Variants in CLVS1 observed in about 807,000 individuals in gnomAD.
CLVS1 encodes the protein clavesin-1.
Under a neutral mutation model 33.1 loss-of-function variants are expected in CLVS1, and 10 were observed. That is an observed-to-expected ratio of 0.30 (90% CI 0.19 to 0.51). The LOEUF is 0.51. CLVS1 is among the 20% of genes least tolerant of loss of function. The pLI, the probability that CLVS1 is intolerant of heterozygous loss-of-function variation, is 0.97. For synonymous variants in CLVS1, 163 were observed against 166.1 expected (o/e 0.98, Z 0.14); for missense variants, 343 against 433.4 (o/e 0.79, Z 1.85).
intron 3 of CLVS1, among the ~76,000 whole-genome samples, chr8:61,403,271 G>A (rs1044313550): frequency 2.0e-5 from 3 of 152,204 alleles, no homozygotes; most frequent in Non-Finnish European, 2.9e-5. Context: ...TGGGAATAGC[G>A]GTATGGGATG....
chr8:61,447,008 TG>T (rs1816781384), intron 3 of CLVS1, among the ~76,000 whole-genome samples: 1 of 152,196 alleles, frequency 6.6e-6, no homozygotes, highest in South Asian at 2.1e-4. Context: ...ACTTAGGTAT[TG>T]TTTATCTTTG....
chr8:61,367,239 C>G (rs949260130), intron 2 of CLVS1, among the ~76,000 whole-genome samples: 2 of 152,172 alleles, frequency 1.3e-5, no homozygotes, highest in African/African-American at 4.8e-5. Context: ...TTTCCTTCAT[C>G]AGCATAACAG....
intron 2 of CLVS1, chr8:61,202,380 C>T: frequency 1.3e-6 from 1 of 751,912 alleles, no homozygotes; most frequent in Non-Finnish European, 2.5e-6. Flanking sequence ...TGGACATGAG[C>T]TCCCTGAGGC....
intron 1 of CLVS1, among the ~76,000 whole-genome samples, chr8:61,299,391 AT>A (rs1295011738): frequency 6.6e-6 from 1 of 152,206 alleles, no homozygotes; most frequent in Non-Finnish European, 1.5e-5. Flanking sequence ...ATAAAAGTGC[AT>A]GCTATTGCTA....
intron 3 of CLVS1, among the ~76,000 whole-genome samples, chr8:61,387,072 C>A (rs1271525424): frequency 6.6e-6 from 1 of 152,108 alleles, no homozygotes; most frequent in Non-Finnish European, 1.5e-5. Context: ...CCAAATTCAC[C>A]AAAGAAGAAC....
chr8:61,033,347 G>T, the CLVS1 span, among the ~76,000 whole-genome samples: 1 of 45,450 alleles, frequency 2.2e-5, no homozygotes, highest in Admixed American at 1.6e-4. Context: ...GGGTAGCAGG[G>T]CAGCCTGGCT....
intron 3 of CLVS1, among the ~76,000 whole-genome samples, chr8:61,381,162 T>A (rs1813862743): frequency 6.6e-6 from 1 of 152,114 alleles, no homozygotes; most frequent in Admixed American, 6.5e-5. Context: ...GTGACCTTTT[T>A]TTTTTCTGTT....
intron 4 of CLVS1, among the ~76,000 whole-genome samples, chr8:61,457,165 G>T (rs1183642883): frequency 6.6e-6 from 1 of 152,014 alleles, no homozygotes; most frequent in Non-Finnish European, 1.5e-5. Context: ...TCGAACTCCT[G>T]ACCTCAGGTG....
chr8:61,207,042 A>AT (rs1248211788), intron 2 of CLVS1, among the ~76,000 whole-genome samples: 1 of 152,228 alleles, frequency 6.6e-6, no homozygotes, highest in Non-Finnish European at 1.5e-5. Flanking sequence ...TGATGAATGA[A>AT]TGAAAGAGCT....
chr8:61,031,470 G>A, the CLVS1 span, among the ~76,000 whole-genome samples: 1 of 152,196 alleles, frequency 6.6e-6, no homozygotes, highest in Admixed American at 6.5e-5. Context: ...AGAGCAAAAT[G>A]CTAAAAGGGC....
chr8:61,385,826 CT>C (rs1349271361), intron 3 of CLVS1, among the ~76,000 whole-genome samples: 1 of 152,086 alleles, frequency 6.6e-6, no homozygotes, highest in African/African-American at 2.4e-5. Context: ...GAGGGGTGCT[CT>C]GGCTAAATGA....
At chr8:61,489,527 GATTT>G (rs767476790) in intron 5 of CLVS1, among the ~76,000 whole-genome samples, 4 of 152,156 alleles carry the variant, frequency 2.6e-5, no homozygotes, top group Admixed American at 1.3e-4. Flanking sequence ...TTGATTGATT[GATTT>G]GTTTTTATTT....
chr8:61,085,807 A>G (rs1352763970), intron 1 of CLVS1, among the ~76,000 whole-genome samples: 1 of 151,510 alleles, frequency 6.6e-6, no homozygotes, highest in Non-Finnish European at 1.5e-5. Context: ...GCGGATCACG[A>G]GGTCAGGAGA....
rs79881471 is a variant in CLVS1 at position 61,337,623 on chromosome 8, A to C, written c.455+37341A>C. Among the ~76,000 whole-genome samples the C allele has an allele frequency of 5.1e-3, 778 of 152,226 alleles. 7 individuals are homozygous for C. The highest frequency in any genetic ancestry group is 0.017 in the African/African-American group (713 of 41,540). ...GGCCCCACCAGATCCAACCAATTGC[A>C]ATTTGTGATGTGGGCTGTTTATGTG... On this transcript the variant is annotated intron_variant, in intron 2 of 5. Coordinates refer to ENST00000325897, the MANE Select transcript of CLVS1 (RefSeq NM_173519.3).
At chr8:60,968,305 C>T in the CLVS1 span, among the ~76,000 whole-genome samples, 23 of 152,208 alleles carry the variant, frequency 1.5e-4, no homozygotes, top group Non-Finnish European at 3.4e-4. Flanking sequence ...CACCTGAGGT[C>T]GGGAGTTCGA....
intron 2 of CLVS1, among the ~76,000 whole-genome samples, chr8:61,151,029 T>C (rs890861319): frequency 6.6e-6 from 1 of 152,330 alleles, no homozygotes; most frequent in East Asian, 1.9e-4. Context: ...ACCCCCAGAC[T>C]ATGTTTGAGC....
At chr8:61,016,565 G>A in the CLVS1 span, among the ~76,000 whole-genome samples, 1 of 152,210 alleles carries the variant, frequency 6.6e-6, no homozygotes, top group African/African-American at 2.4e-5. Context: ...ATTCATGCCT[G>A]TCTAATTCCC....
intron 1 of CLVS1, among the ~76,000 whole-genome samples, chr8:61,061,465 A>C (rs1037238315): frequency 6.6e-6 from 1 of 152,122 alleles, no homozygotes; most frequent in African/African-American, 2.4e-5. Context: ...ATTTTGCCTC[A>C]TGCTTTCCCT....
In CLVS1 at chr8:61,499,745, C is replaced by T. The variant is rs397831731; in HGVS notation, c.*203C>T. On this transcript the variant is annotated 3_prime_UTR_variant, in exon 6 of 6. Transcript: ENST00000325897. ...AAGACTTGAGAGATGCTTTTTTTTT[C>T]CCCCAGTGAGGGGACTGGAGGATGA... 7.7e-6 allele frequency: 3 copies of T among 389,550 alleles called. No individual in the cohort carries two copies. Among genetic ancestry groups the T allele is most frequent in the Non-Finnish European group, 1.4e-5 (3 of 213,622 alleles). 24.1% of individuals were successfully genotyped at this position (389,550 alleles called of 1,614,324 possible). A position where few individuals can be genotyped will look rare whatever the true frequency, so the allele number is the denominator to read the frequency against.
Sources: gnomAD v4.1 joint callset for allele counts (sites outside exome capture counted in the v4.1 genomes callset) on GRCh38, gnomAD v4.1.1 for gene constraint, MANE v1.5 for transcripts, NCBI Gene and HGNC (gene_info 2026-07-23, HGNC 2026-07-21) for gene names.